Variants in SLC25A15 observed in about 807,000 individuals in gnomAD.
SLC25A15 encodes mitochondrial ornithine transporter 1.
In SLC25A15, 24 loss-of-function variants were observed where a neutral mutation model predicts 32.3. The ratio of observed to expected loss-of-function variants is 0.74; its 90% CI spans 0.54 to 1.04. The LOEUF is 1.04. SLC25A15 is among the 50% of genes least tolerant of loss of function. The probability of loss-of-function intolerance (pLI) is 0.00; values close to 1 mark genes in which losing one functional copy is unlikely to be tolerated. For synonymous variants in SLC25A15, 132 were observed against 142.1 expected (o/e 0.93, Z 0.51); for missense variants, 317 against 374.5 (o/e 0.85, Z 1.27).
At chr13:40,801,786 G>A (rs1881902324) in intron 3 of SLC25A15, among the ~76,000 whole-genome samples, 1 of 152,184 alleles carries the variant, frequency 6.6e-6, no homozygotes, top group Non-Finnish European at 1.5e-5. Context: ...TCAGGTACAT[G>A]TTTGTTGAAC....
chr13:40,791,115 GT>G (rs1167284349), intron 1 of SLC25A15, among the ~76,000 whole-genome samples: 1 of 151,826 alleles, frequency 6.6e-6, no homozygotes, highest in Non-Finnish European at 1.5e-5. Flanking sequence ...AGGGTTGGGT[GT>G]TTTGTGTTGC....
chr13:40,811,265 C>T lies in SLC25A15; in HGVS notation c.*1598C>T, dbSNP rs762985091. ...CAGCACTTTGGGAGGCTGAGGCGGG[C>T]GGGTCACAAGGTCAGGAGTTCGAGA... On this transcript the variant is annotated 3_prime_UTR_variant, in exon 7 of 7. Transcript: ENST00000338625. Among the ~76,000 whole-genome samples the T allele has an allele frequency of 3.8e-4, 58 of 152,156 alleles. No individual in the cohort carries two copies. Among genetic ancestry groups the T allele is most frequent in the Middle Eastern group, 3.4e-3 (1 of 294 alleles).
intron 4 of SLC25A15, among the ~76,000 whole-genome samples, chr13:40,806,977 A>G (rs890246827): frequency 1.3e-5 from 2 of 152,240 alleles, no homozygotes; most frequent in Non-Finnish European, 2.9e-5. Context: ...CTCTGCACTA[A>G]AAACAGATCC....
chr13:40,799,647 C>T (rs1327183933), intron 3 of SLC25A15, among the ~76,000 whole-genome samples: 2 of 152,192 alleles, frequency 1.3e-5, no homozygotes, highest in Non-Finnish European at 2.9e-5. Flanking sequence ...CATATGCACA[C>T]CACAGAGGAG....
chr13:40,808,444 T>TA lies in SLC25A15; in HGVS notation c.630dup (p.Pro211ThrfsTer50), dbSNP rs1207920596. ...CTATTTTTTTTTTCTCTAGGCCCTG[T>TA]ACCTTTGATGTTAAGTGGTGGAGTT... On this transcript the variant is annotated frameshift_variant, in exon 6 of 7. Transcript: ENST00000338625. LOFTEE classifies it high-confidence loss of function. 1 of 1,613,344 alleles carries TA rather than the reference T, an allele frequency of 6.2e-7. No homozygotes were observed. Among genetic ancestry groups the TA allele is most frequent in the Admixed American group, 1.7e-5 (1 of 60,006 alleles).
intron 4 of SLC25A15, 70 bp downstream of exon 4, chr13:40,805,325 A>C (rs564844910): frequency 6.3e-7 from 1 of 1,581,466 alleles, no homozygotes; most frequent in East Asian, 2.2e-5. Flanking sequence ...TTCATTTTAC[A>C]TTGTACTAAA....
intron 1 of SLC25A15, among the ~76,000 whole-genome samples, chr13:40,792,423 C>T (rs1021663910): frequency 2.6e-5 from 4 of 152,194 alleles, no homozygotes; most frequent in African/African-American, 9.7e-5. Flanking sequence ...GCAAGGCCCC[C>T]AGGCTACTCC....
At chr13:40,799,345 T>G (rs748997645) in intron 3 of SLC25A15, 30 bp downstream of exon 3, 2 of 1,613,886 alleles carry the variant, frequency 1.2e-6, no homozygotes, top group Non-Finnish European at 1.7e-6. Flanking sequence ...TTTTTTTATT[T>G]GTTTAAAAAA....
chr13:40,805,191 G>C lies in SLC25A15; in HGVS notation c.388G>C (p.Val130Leu). The change falls in exon 4 of 7, where the codon GTG becomes CTG. Residue 130 changes from valine (V) to leucine (L), a missense_variant. Transcript: ENST00000338625. Reference protein sequence around the residue: ...AALVLCPTELVKCRLQTMYEM... With the variant: ...AALVLCPTELLKCRLQTMYEM... ...ACTGGTGCTCTGCCCCACGGAGCTC[G>C]TGAAGTGCCGGCTGCAGACCATGTA... 6.2e-7 allele frequency: 1 copy of C among 1,614,192 alleles called. No individual in the cohort carries two copies. Among genetic ancestry groups the C allele is most frequent in the Non-Finnish European group, 8.5e-7 (1 of 1,180,034 alleles).
intron 3 of SLC25A15, among the ~76,000 whole-genome samples, chr13:40,801,510 C>T (rs548023646): frequency 6.6e-6 from 1 of 152,262 alleles, no homozygotes; most frequent in East Asian, 1.9e-4. Context: ...TCAAGGTCAC[C>T]CCGCTAAGGA....
intron 3 of SLC25A15, among the ~76,000 whole-genome samples, chr13:40,804,699 G>T (rs1289233442): frequency 6.8e-6 from 1 of 147,732 alleles, no homozygotes; most frequent in African/African-American, 2.6e-5. Context: ...CCACCACTAC[G>T]CCCGGCTAAT....
At chr13:40,790,830 G>T (rs1005115159) in intron 1 of SLC25A15, among the ~76,000 whole-genome samples, 2 of 152,120 alleles carry the variant, frequency 1.3e-5, no homozygotes, top group African/African-American at 2.4e-5. Context: ...CAGGTGATCC[G>T]CCCGCCTTGG....
intron 5 of SLC25A15, among the ~76,000 whole-genome samples, chr13:40,807,898 T>C (rs1249943205): frequency 6.6e-6 from 1 of 152,220 alleles, no homozygotes; most frequent in African/African-American, 2.4e-5. Context: ...TACAACTACA[T>C]GCAATGTTTG....
intron 4 of SLC25A15, 136 bp downstream of exon 4, chr13:40,805,391 T>A (rs1230261249): frequency 2.8e-6 from 3 of 1,058,308 alleles, no homozygotes; most frequent in Non-Finnish European, 4.2e-6. Context: ...TAGAATGCTT[T>A]CCCCTATCAG....
Position 40,809,561 on chromosome 13 carries a change from C to A in SLC25A15, c.800C>A (p.Ser267Tyr). 6.2e-7 allele frequency: 1 copy of A among 1,612,030 alleles called. No individual in the cohort carries two copies. The highest frequency in any genetic ancestry group is 2.2e-5 in the East Asian group (1 of 44,882). ...VKNEGITALYSGLKPTMIRAF... is the reference protein window; with the variant it reads ...VKNEGITALYYGLKPTMIRAF... ...TTGCTAGGAATAACGGCCTTATATT[C>A]TGGACTGAAACCTACTATGATTCGA... The change falls in exon 7 of 7, where the codon TCT (serine) becomes TAT (tyrosine). Residue 267 changes from serine (S) to tyrosine (Y), a missense_variant. Transcript: ENST00000338625.
At chr13:40,799,008 T>A in intron 2 of SLC25A15, 49 bp from the exon 3 acceptor site, 1 of 1,613,680 alleles carries the variant, frequency 6.2e-7, no homozygotes. Flanking sequence ...CTTCCATGGA[T>A]AATGGAACTG....
In SLC25A15 at chr13:40,799,159, A is replaced by C. The variant is rs746560103; in HGVS notation, c.158A>C (p.Lys53Thr). ...CGGGGCCTCACCGACTGCTGCCTGA[A>C]GACTTACTCCCAGGTGGGCTTCCGT... ...LYRGLTDCCL[K>T]TYSQVGFRGF... Residue 53 changes from lysine to threonine, a missense_variant, in exon 3 of 7, where the codon AAG becomes ACG. Transcript: ENST00000338625. 2.8e-5 allele frequency: 45 copies of C among 1,614,208 alleles called. No homozygotes were observed. The highest frequency in any genetic ancestry group is 3.8e-5 in the Non-Finnish European group (45 of 1,180,032).
chr13:40,792,529 A>G (rs891539157), intron 1 of SLC25A15, among the ~76,000 whole-genome samples: 13 of 152,222 alleles, frequency 8.5e-5, no homozygotes, highest in Non-Finnish European at 1.5e-4. Context: ...CTAAGAACAC[A>G]TGATGCTTGT....
intron 3 of SLC25A15, among the ~76,000 whole-genome samples, chr13:40,800,803 C>A (rs1212555550): frequency 6.6e-6 from 1 of 152,184 alleles, no homozygotes; most frequent in Non-Finnish European, 1.5e-5. Context: ...GCTGCATTTT[C>A]CCACACTGCT....
Sources: allele counts gnomAD v4.1 joint callset (sites outside exome capture counted in the v4.1 genomes callset), GRCh38; gene constraint gnomAD v4.1.1; transcripts MANE v1.5; gene names NCBI Gene and HGNC (gene_info 2026-07-23, HGNC 2026-07-21).